KDM2B: variants seen among roughly 807,000 people sequenced by gnomAD.
KDM2B encodes lysine demethylase 2B.
A neutral mutation model predicts 150.0 loss-of-function variants in KDM2B; 26 were observed. The ratio of observed to expected loss-of-function variants is 0.17; its 90% CI spans 0.13 to 0.24. The LOEUF (loss-of-function observed/expected upper bound fraction) is 0.24. Among genes scored for constraint, KDM2B ranks in the 10% least tolerant of loss-of-function variants. The probability of loss-of-function intolerance (pLI) is 1.00; values close to 1 mark genes in which losing one functional copy is unlikely to be tolerated. For missense variants in KDM2B, 1,265 were observed against 1,816.9 expected, an observed-to-expected ratio of 0.70 and a Z score of 5.52; for synonymous variants, 734 against 729.5, an observed-to-expected ratio of 1.01 and a Z score of -0.10.
chr12:121,557,394 C>G (rs145083061), intron 4 of KDM2B, among the ~76,000 whole-genome samples: 1 of 152,072 alleles, frequency 6.6e-6, no homozygotes, highest in East Asian at 1.9e-4. Flanking sequence ...CCTACCACCA[C>G]TTCCGGCTAA....
At chr12:121,433,278 C>T (rs1555285955) in intron 22 of KDM2B, 1 of 443,556 alleles carries the variant, frequency 2.3e-6, no homozygotes, top group East Asian at 7.2e-5. Context: ...CTCGGACCTT[C>T]CACAGGCAGG....
At position 121,441,327 on chromosome 12, in the gene KDM2B, T is replaced by C. The variant is rs1874994310; in HGVS notation, c.3285-94A>G. Reference sequence around the variant, plus strand: ...TTAACTGTCCCCACCTAACAACCTCTGGGAGGCTCCTTAACTCAGCGCTCT... The same window carrying C: ...TTAACTGTCCCCACCTAACAACCTCCGGGAGGCTCCTTAACTCAGCGCTCT... On this transcript the variant is annotated intron_variant, in intron 19 of 22. Coordinates refer to ENST00000377071, the MANE Select transcript of KDM2B (RefSeq NM_032590.5). 5 of 1,265,960 alleles carry C rather than the reference T, an allele frequency of 3.9e-6. No individual in the cohort carries two copies. In the East Asian group the frequency reaches 9.4e-5, roughly 24 times the overall value. 78.4% of individuals were successfully genotyped at this position (1,265,960 alleles called of 1,614,324 possible).
intron 8 of KDM2B, among the ~76,000 whole-genome samples, chr12:121,531,726 G>C (rs2141479391): frequency 6.6e-6 from 1 of 152,162 alleles, no homozygotes; most frequent in East Asian, 1.9e-4. Context: ...ACCTGATGTG[G>C]TTTCCAGACA....
At chr12:121,577,342 A>G (rs1274192570) in intron 2 of KDM2B, among the ~76,000 whole-genome samples, 1 of 152,208 alleles carries the variant, frequency 6.6e-6, no homozygotes, top group Non-Finnish European at 1.5e-5. Context: ...TTGTTTGCAC[A>G]TAGGATCCAC....
At chr12:121,477,872 C>G (rs1881567750) in intron 12 of KDM2B, among the ~76,000 whole-genome samples, 1 of 151,752 alleles carries the variant, frequency 6.6e-6, no homozygotes, top group Non-Finnish European at 1.5e-5. Flanking sequence ...GCCATCGTGC[C>G]CAGGCTTTTT....
rs1481689398 is a variant in KDM2B at position 121,505,098 on chromosome 12, C to T, written c.1647+4469G>A. Among the ~76,000 whole-genome samples the T allele has an allele frequency of 3.7e-5, 5 of 135,624 alleles. No individual in the cohort carries two copies. The Admixed American group carries it at 4.0e-4, about 11-fold the overall frequency. 89.0% of individuals were successfully genotyped at this position (135,624 alleles called of 152,430 possible). A position where few individuals can be genotyped will look rare whatever the true frequency, so the allele number is the denominator to read the frequency against. On this transcript the variant is annotated intron_variant, in intron 11 of 22. Transcript: ENST00000377071. ...CGCCACTGCACTCCAGCCTGGGCAACAGAGCAAGACTCTGTCTCAAAAAAA... is the reference window on the plus strand; with the variant it reads ...CGCCACTGCACTCCAGCCTGGGCAATAGAGCAAGACTCTGTCTCAAAAAAA...
chr12:121,442,844 C>A lies in KDM2B; in HGVS notation c.2605-8G>T. The A allele has an allele frequency of 6.6e-7, 1 of 1,517,890 alleles. No homozygotes were observed. The highest frequency in any genetic ancestry group is 8.8e-7 in the Non-Finnish European group (1 of 1,138,016). 94.0% of individuals were successfully genotyped at this position (1,517,890 alleles called of 1,614,324 possible). A position where few individuals can be genotyped will look rare whatever the true frequency, so the allele number is the denominator to read the frequency against. On this transcript the variant is annotated splice_region_variant and splice_polypyrimidine_tract_variant and intron_variant, in intron 18 of 22. Coordinates refer to ENST00000377071, the MANE Select transcript of KDM2B (RefSeq NM_032590.5). This position sits in a 1 kb window ranked among gnomAD's most constrained non-coding sequence, Gnocchi z 7.7. ...GTTCTTCCAGGACCGCCGCTGAGGG[C>A]GAGAGCGGAGACGCGTCAGCCTCTG...
intron 1 of KDM2B, chr12:121,579,522 AGAG>A (rs1282508126): frequency 8.4e-7 from 1 of 1,192,146 alleles, no homozygotes; most frequent in East Asian, 5.7e-5. Flanking sequence ...CAGTGCAAGA[AGAG>A]GAGGTGGGGG....
At chr12:121,490,926 A>T (rs1325030137) in intron 12 of KDM2B, among the ~76,000 whole-genome samples, 2 of 151,210 alleles carry the variant, frequency 1.3e-5, no homozygotes, top group Admixed American at 6.6e-5. Flanking sequence ...ATCAAATACC[A>T]CTCCCTACCT....
At chr12:121,459,525 G>C (rs535485873) in intron 12 of KDM2B, among the ~76,000 whole-genome samples, 1 of 152,226 alleles carries the variant, frequency 6.6e-6, no homozygotes, top group Non-Finnish European at 1.5e-5. Context: ...AGATAAATTC[G>C]ACTTCATCAA....
chr12:121,438,253 CAAAAA>C (rs35874014), intron 22 of KDM2B, among the ~76,000 whole-genome samples: 4,303 of 97,142 alleles, frequency 0.044, 218 homozygotes, highest in African/African-American at 0.13. Flanking sequence ...GGCTCCATCT[CAAAAA>C]AAAAAAAAAA....
In KDM2B at chr12:121,518,245, C is replaced by A. The variant is rs1886397410; in HGVS notation, c.1047+2740G>T. On this transcript the variant is annotated intron_variant, in intron 9 of 22. Transcript: ENST00000377071. This position sits in a 1 kb window ranked among gnomAD's most constrained non-coding sequence, Gnocchi z 4.4. ...AACCTTCTTAAGAAAGCTCTCAGGG[C>A]TGTAAAGAATGAAGCTGTAGTGAGC... 6.6e-6 allele frequency among the ~76,000 whole-genome samples: 1 copy of A among 152,188 alleles called. No individual in the cohort carries two copies. Among genetic ancestry groups the A allele is most frequent in the Non-Finnish European group, 1.5e-5 (1 of 68,038 alleles).
chr12:121,484,330 A>C (rs1392891425), intron 12 of KDM2B, among the ~76,000 whole-genome samples: 2 of 152,148 alleles, frequency 1.3e-5, no homozygotes, highest in Non-Finnish European at 2.9e-5. Flanking sequence ...ACATGGGAGA[A>C]ATGGGGAAAA....
rs782292009 is a variant in KDM2B at position 121,442,573 on chromosome 12, G to C, written c.2868C>G (p.His956Gln). ...GGCTGTTCTCCGTCCTCTGGATCTC[G>C]TGGTTGAGCTCCTTGCTCAGCTCCC... ...LSRELSKELN[H>Q]EIQRTENSLA... Residue 956 changes from histidine (H) to glutamine (Q), a missense_variant, in exon 19 of 23, where the codon CAC (histidine) becomes CAG (glutamine). His to Gln is a conservative substitution (Grantham distance 24, BLOSUM62 0). Around this residue, in one of 11 missense-constraint regions of KDM2B, gnomAD observed 418 missense variants for 402.4 expected, o/e 1.04. Transcript: ENST00000377071. This position sits in a 1 kb window ranked among gnomAD's most constrained non-coding sequence, Gnocchi z 7.7. 1.2e-6 allele frequency: 2 copies of C among 1,600,880 alleles called. No homozygotes were observed. The highest frequency in any genetic ancestry group is 1.3e-5 in the African/African-American group (1 of 74,938).
intron 6 of KDM2B, among the ~76,000 whole-genome samples, chr12:121,538,851 A>G (rs1888375833): frequency 6.6e-6 from 1 of 152,034 alleles, no homozygotes; most frequent in Non-Finnish European, 1.5e-5. Flanking sequence ...GGTCTACCTG[A>G]CACACCTCAA....
rs1555291853 is a variant in KDM2B, at chr12:121,452,626, G to A, written c.1959+494C>T. Among the ~76,000 whole-genome samples, 1 of 152,278 alleles carries A rather than the reference G, an allele frequency of 6.6e-6. No individual in the cohort carries two copies. The highest frequency in any genetic ancestry group is 1.5e-5 in the Non-Finnish European group (1 of 68,052). ...AAGTCCATGTCCACTGCCCTGTCTG[G>A]GGACGAGACCAGCGGCGCGGGGCCA... On this transcript the variant is annotated intron_variant, in intron 13 of 22. Coordinates refer to ENST00000377071, the MANE Select transcript of KDM2B (RefSeq NM_032590.5). This position sits in a 1 kb window ranked among gnomAD's most constrained non-coding sequence, Gnocchi z 4.4.
Position 121,468,076 on chromosome 12 carries a change from C to G in KDM2B, c.1735-14732G>C, listed in dbSNP as rs561820100. 6.6e-5 allele frequency: 10 copies of G among 152,430 alleles called. No individual in the cohort carries two copies. The highest frequency in any genetic ancestry group is 2.4e-4 in the African/African-American group (10 of 41,574). The allele number at this position is 152,430 out of a possible 1,614,324, so 9.4% of individuals were successfully genotyped here. Reference sequence around the variant, plus strand: ...GACGGGGGCTGTCAGAACGCCCTGACTCTACCCTGAGGTGGGCGCCCCCTC... The same window carrying G: ...GACGGGGGCTGTCAGAACGCCCTGAGTCTACCCTGAGGTGGGCGCCCCCTC... On this transcript the variant is annotated intron_variant, in intron 12 of 22. Transcript: ENST00000377071. The surrounding 1 kb of genome is among the most constrained non-coding windows in gnomAD (Gnocchi z 4.0).
At chr12:121,487,692 A>AAACCCCC (rs1478158674) in intron 12 of KDM2B, among the ~76,000 whole-genome samples, 1 of 152,054 alleles carries the variant, frequency 6.6e-6, no homozygotes, top group Non-Finnish European at 1.5e-5. Context: ...CAGTGGCCTC[A>AAACCCCC]AACCCCCAGG....
intron 11 of KDM2B, among the ~76,000 whole-genome samples, chr12:121,508,612 T>G (rs1164575300): frequency 6.6e-6 from 1 of 152,170 alleles, no homozygotes; most frequent in Non-Finnish European, 1.5e-5. Context: ...AAAGCCTTAC[T>G]AATGCTGAGA....
Sources: allele counts gnomAD v4.1 joint callset (sites outside exome capture counted in the v4.1 genomes callset), GRCh38; gene constraint gnomAD v4.1.1; regional missense constraint gnomAD v4.1.1; non-coding constraint Gnocchi (gnomAD v3.1); transcripts MANE v1.5; gene names NCBI Gene and HGNC (gene_info 2026-07-23, HGNC 2026-07-21).